Variants in GRAMD4 observed in about 807,000 individuals in gnomAD.
GRAMD4 encodes the protein GRAM domain containing 4, also known as GRAM domain-containing protein 4.
In GRAMD4, 25 loss-of-function variants were observed where a neutral mutation model predicts 83.9. That is an observed-to-expected ratio of 0.30 (90% CI 0.22 to 0.42). The LOEUF (loss-of-function observed/expected upper bound fraction) is 0.42. Ranked by LOEUF, GRAMD4 falls within the 10% of genes least tolerant of loss-of-function variation. GRAMD4 has a pLI of 1.00. For synonymous variants in GRAMD4, 336 were observed against 320.9 expected (o/e 1.05, Z -0.50); for missense variants, 593 against 788.7 (o/e 0.75, Z 2.97).
At chr22:46,638,738 G>T (rs2081928689) in intron 3 of GRAMD4, among the ~76,000 whole-genome samples, 1 of 152,214 alleles carries the variant, frequency 6.6e-6, no homozygotes, top group African/African-American at 2.4e-5. Flanking sequence ...ACTCTATGGT[G>T]GAATTCTTGT....
At chr22:46,656,164 G>C (rs770171268) in intron 3 of GRAMD4, among the ~76,000 whole-genome samples, 1 of 151,584 alleles carries the variant, frequency 6.6e-6, no homozygotes, top group Non-Finnish European at 1.5e-5. Flanking sequence ...GAGAAGGGCC[G>C]ATCCCAGCGG....
Position 46,677,571 on chromosome 22 carries a change from T to A in GRAMD4, c.*320T>A, listed in dbSNP as rs897737668. ...GACCCCTGGCCCTGCCCTTCTCCGT[T>A]CCAGCCTGGACAGAGAAACCTCTCC... is the stretch of plus-strand genomic sequence containing the variant. On this transcript the variant is annotated 3_prime_UTR_variant, in exon 19 of 19. Coordinates refer to ENST00000406902, the MANE Select transcript of GRAMD4 (RefSeq NM_015124.5). 2.0e-5 allele frequency: 22 copies of A among 1,107,974 alleles called. No individual in the cohort carries two copies. Among genetic ancestry groups the A allele is most frequent in the Non-Finnish European group, 2.4e-5 (22 of 904,182 alleles). 68.6% of individuals were successfully genotyped at this position (1,107,974 alleles called of 1,614,324 possible).
At chr22:46,669,239 G>C (rs1376154511) in intron 13 of GRAMD4, among the ~76,000 whole-genome samples, 1 of 152,232 alleles carries the variant, frequency 6.6e-6, no homozygotes, top group Admixed American at 6.5e-5. Flanking sequence ...TGGGGCGCCT[G>C]TGGGCTTAGG....
At chr22:46,594,687 G>A (rs1602307854) in intron 1 of GRAMD4, among the ~76,000 whole-genome samples, 1 of 152,030 alleles carries the variant, frequency 6.6e-6, no homozygotes, top group Non-Finnish European at 1.5e-5. Context: ...GTCCTGCCCT[G>A]GGGGGCTAGG....
intron 1 of GRAMD4, among the ~76,000 whole-genome samples, chr22:46,602,811 C>T (rs1256442816): frequency 8.0e-5 from 10 of 124,834 alleles, no homozygotes; most frequent in East Asian, 2.4e-4. Flanking sequence ...GGCTGGAGTG[C>T]GGCTCACTGC....
chr22:46,632,343 A>G (rs1205214463), intron 2 of GRAMD4, among the ~76,000 whole-genome samples: 1 of 152,166 alleles, frequency 6.6e-6, no homozygotes, highest in Non-Finnish European at 1.5e-5. Flanking sequence ...GAGGCAGGAG[A>G]TGGGAGACGT....
intron 1 of GRAMD4, among the ~76,000 whole-genome samples, chr22:46,584,900 C>T (rs947134119): frequency 2.0e-5 from 3 of 152,308 alleles, no homozygotes; most frequent in East Asian, 1.9e-4. Flanking sequence ...GAAAGGCTGC[C>T]GGCGGGACGC....
chr22:46,596,296 C>G (rs2081261514), intron 1 of GRAMD4, among the ~76,000 whole-genome samples: 1 of 152,224 alleles, frequency 6.6e-6, no homozygotes, highest in Admixed American at 6.5e-5. Flanking sequence ...TGATAGCCAT[C>G]AGTTTCCACA....
downstream of GRAMD4, among the ~76,000 whole-genome samples, chr22:46,680,560 G>GTCCA (rs1569313311): frequency 2.4e-5 from 1 of 42,368 alleles, no homozygotes; most frequent in African/African-American, 9.8e-5. Flanking sequence ...CCGTCCGTCC[G>GTCCA]TCCGTCCATC....
intron 1 of GRAMD4, among the ~76,000 whole-genome samples, chr22:46,584,995 G>A (rs79127034): frequency 0.042 from 6,467 of 152,230 alleles, 448 homozygotes; most frequent in African/African-American, 0.15. Context: ...GGCAGGGGAC[G>A]GCCTTTGAAA....
upstream of GRAMD4, among the ~76,000 whole-genome samples, chr22:46,619,684 C>A (rs896327519): frequency 1.3e-5 from 2 of 152,198 alleles, no homozygotes; most frequent in Non-Finnish European, 2.9e-5. Flanking sequence ...CTGCCAGCTG[C>A]CCCATCCTCA....
chr22:46,588,719 G>A lies in GRAMD4; in HGVS notation c.-50+11429G>A, dbSNP rs756601809. Among the ~76,000 whole-genome samples, 16 of 121,826 alleles carry A rather than the reference G, an allele frequency of 1.3e-4. No individual in the cohort carries two copies. In the East Asian group the frequency reaches 2.2e-3, roughly 17 times the overall value. 79.9% of individuals were successfully genotyped at this position (121,826 alleles called of 152,430 possible). A position where few individuals can be genotyped will look rare whatever the true frequency, so the allele number is the denominator to read the frequency against. ...GGCCTGATCCAGGAGCCCCAGCACC[G>A]CCCTCTCCATCCCCGGGGTCCTTAG... On this transcript the variant is annotated intron_variant, in intron 1 of 1. Transcript: ENST00000431155.
intron 16 of GRAMD4, 113 bp from the exon 17 acceptor site, chr22:46,675,355 G>A: frequency 2.7e-6 from 2 of 750,628 alleles, no homozygotes; most frequent in South Asian, 1.5e-5. Flanking sequence ...TGGGAAGGGA[G>A]CACCACTGTC....
chr22:46,680,586 C>T (rs62232565), downstream of GRAMD4, among the ~76,000 whole-genome samples: 85 of 23,126 alleles, frequency 3.7e-3, no homozygotes, highest in African/African-American at 5.3e-3. Context: ...ATCCATCCAT[C>T]CATCCATCCA....
chr22:46,678,450 A>T lies in GRAMD4; in HGVS notation c.*1199A>T. 1 of 983,952 alleles carries T rather than the reference A, an allele frequency of 1.0e-6. No individual in the cohort carries two copies. The highest frequency in any genetic ancestry group is 1.2e-6 in the Non-Finnish European group (1 of 829,498). The allele number at this position is 983,952 out of a possible 1,614,324, so 61.0% of individuals were successfully genotyped here. Reference sequence around the variant, plus strand: ...CTGGGCTTCCCGGGAACAAGGTGGCATTTGTGGAGGGAGCGCCCGCAGGCC... The same window carrying T: ...CTGGGCTTCCCGGGAACAAGGTGGCTTTTGTGGAGGGAGCGCCCGCAGGCC... On this transcript the variant is annotated 3_prime_UTR_variant, in exon 19 of 19. Transcript: ENST00000406902.
At chr22:46,618,289 G>A (rs943795223), upstream of GRAMD4, among the ~76,000 whole-genome samples, 4 of 152,222 alleles carry the variant, frequency 2.6e-5, no homozygotes, top group Middle Eastern at 3.4e-3. The surrounding 1 kb of genome is among the most constrained non-coding windows in gnomAD (Gnocchi z 5.8). Context: ...AGCACCAGGC[G>A]GGTTCTAACC....
chr22:46,627,139 C>T (rs2081676136), intron 2 of GRAMD4, among the ~76,000 whole-genome samples, 178 bp downstream of exon 2: 1 of 152,210 alleles, frequency 6.6e-6, no homozygotes, highest in African/African-American at 2.4e-5. Context: ...GGCCGGGGTG[C>T]TGCCACGCCG....
At chr22:46,633,676 C>T (rs1018626698) in intron 2 of GRAMD4, among the ~76,000 whole-genome samples, 6 of 152,238 alleles carry the variant, frequency 3.9e-5, no homozygotes, top group African/African-American at 1.4e-4. Flanking sequence ...CCTGCCTTGT[C>T]ACCAAGAAGA....
intron 1 of GRAMD4, among the ~76,000 whole-genome samples, chr22:46,578,410 T>C (rs2081065936): frequency 1.3e-5 from 2 of 152,098 alleles, no homozygotes; most frequent in African/African-American, 4.8e-5. Context: ...TTGGGCAAGG[T>C]AGTGAGCCTC....
Sources: gnomAD v4.1 joint callset for allele counts (sites outside exome capture counted in the v4.1 genomes callset) on GRCh38, gnomAD v4.1.1 for gene constraint, Gnocchi (gnomAD v3.1) non-coding constraint, MANE v1.5 for transcripts, NCBI Gene and HGNC (gene_info 2026-07-23, HGNC 2026-07-21) for gene names.